The following PARP10 variants were observed in gnomAD, a reference collection of about 807,000 sequenced individuals.
The protein encoded by PARP10 is poly(ADP-ribose) polymerase family member 10.
A neutral mutation model predicts 82.4 loss-of-function variants in PARP10; 56 were observed. That is an observed-to-expected ratio of 0.68 (90% CI 0.55 to 0.85). The LOEUF (loss-of-function observed/expected upper bound fraction) is 0.85, where lower values mean the gene tolerates loss of function less well. Among genes scored for constraint, PARP10 ranks in the 40% least tolerant of loss-of-function variants. The pLI, the probability that PARP10 is intolerant of heterozygous loss-of-function variation, is 0.00. For synonymous variants in PARP10, 576 were observed against 601.1 expected (o/e 0.96, Z 0.61); for missense variants, 1,227 against 1,379.4 (o/e 0.89, Z 1.75).
In PARP10 at chr8:143,983,614, C is replaced by T; in HGVS notation, c.1975G>A (p.Ala659Thr). Residue 659 changes from alanine (A) to threonine (T), a missense_variant, in exon 8 of 11, where the codon GCC becomes ACC. Transcript: ENST00000313028. ...TGAGGCTCCAGTGACCGGTGGAGGG[C>T]CAGCTGCAGAGCGGCCTCCTCCTCC... Reference protein sequence around the residue: ...WLEEEAALQLALHRSLEPQGQ... With the variant: ...WLEEEAALQLTLHRSLEPQGQ... 3 of 1,604,208 alleles carry T rather than the reference C, an allele frequency of 1.9e-6. No individual in the cohort carries two copies. Among genetic ancestry groups the T allele is most frequent in the Non-Finnish European group, 2.6e-6 (3 of 1,175,366 alleles).
In PARP10 at chr8:144,002,985, G is replaced by C. The variant is rs1834212394; in HGVS notation, c.-80+9545C>G. Among the ~76,000 whole-genome samples the C allele has an allele frequency of 3.3e-5, 5 of 152,152 alleles. No individual in the cohort carries two copies. The South Asian group carries it at 1.0e-3, about 32-fold the overall frequency. On this transcript the variant is annotated intron_variant, in intron 1 of 3. Transcript: ENST00000530478. ...ATTCATAACACATGCAACAGACAAT[G>C]GATTTCCATCAAAAATGTAAAAAGA...
In PARP10 at chr8:143,977,944, G is replaced by T; in HGVS notation, c.2694C>A (p.Cys898Ter). Residue 898 changes from cysteine to a stop codon, truncating the protein, a stop_gained, in exon 10 of 11, where the codon TGC (cysteine) becomes TGA (stop). Coordinates refer to ENST00000313028, the MANE Select transcript of PARP10 (RefSeq NM_032789.5). LOFTEE classifies it low-confidence loss of function (END_TRUNC). ...AGAAGCTGCGGTTGAAGCCGTGGGC[G>T]CAGATGTCAGGCACTGCCGGTGCCG... is the stretch of plus-strand genomic sequence containing the variant. ...GTTAPAVPDI[C>*]AHGFNRSFCG... The T allele has an allele frequency of 6.2e-7, 1 of 1,600,902 alleles. No homozygotes were observed.
In PARP10 at chr8:143,983,295, C is replaced by T. The variant is rs782475093; in HGVS notation, c.2294G>A (p.Arg765His). 10 of 1,612,602 alleles carry T rather than the reference C, an allele frequency of 6.2e-6. No individual in the cohort carries two copies. Among genetic ancestry groups the T allele is most frequent in the Admixed American group, 1.7e-5 (1 of 59,892 alleles). ...ERCHGVSVAL[R>H]GDCTILRGFG... ...GCCACGGAGGATGGTGCAGTCACCACGCAGGGCAACACTCACACCATGGCA... is the reference window on the plus strand; with the variant it reads ...GCCACGGAGGATGGTGCAGTCACCATGCAGGGCAACACTCACACCATGGCA... Residue 765 changes from arginine to histidine, a missense_variant, in exon 8 of 11, where the codon CGT (arginine) becomes CAT (histidine). Physicochemically the swap from Arg to His is conservative, Grantham distance 29. Coordinates refer to ENST00000313028, the MANE Select transcript of PARP10 (RefSeq NM_032789.5).
rs1554748863 is a variant in PARP10 at position 143,984,965 on chromosome 8, G to A, written c.1037C>T (p.Ala346Val). ...CATGGGCATCGAGCTGACTTGCTCT[G>A]CCTGTCCCAGAGACCCCATGGGACC... ...RTGPMGSLGQ[A>V]EQVSSMPMGS... Residue 346 changes from alanine to valine, a missense_variant, in exon 5 of 11, where the codon GCA becomes GTA. Physicochemically the swap from Ala to Val is moderately conservative, Grantham distance 64. Coordinates refer to ENST00000313028, the MANE Select transcript of PARP10 (RefSeq NM_032789.5). 6 of 1,613,924 alleles carry A rather than the reference G, an allele frequency of 3.7e-6. No individual in the cohort carries two copies. The Admixed American group carries it at 1.0e-4, about 27-fold the overall frequency.
intron 1 of PARP10, among the ~76,000 whole-genome samples, chr8:143,996,760 G>A (rs538380890): frequency 1.3e-5 from 2 of 152,334 alleles, no homozygotes; most frequent in Non-Finnish European, 2.9e-5. Context: ...AAGCCCAGGG[G>A]ATGCAGGAGA....
rs1554752200 is a variant in PARP10, at chr8:144,008,230, G to A, written c.-80+4300C>T. 6.6e-6 allele frequency among the ~76,000 whole-genome samples: 1 copy of A among 152,194 alleles called. No homozygotes were observed. Among genetic ancestry groups the A allele is most frequent in the Non-Finnish European group, 1.5e-5 (1 of 68,034 alleles). On this transcript the variant is annotated intron_variant, in intron 1 of 3. Transcript: ENST00000530478. The surrounding 1 kb of genome is among the most constrained non-coding windows in gnomAD (Gnocchi z 4.0). ...TGCCTCTCAGCGCACCCAGCATGGA[G>A]GCAGCACGTTGGGGCCTGTCAGGTG... is the stretch of plus-strand genomic sequence containing the variant.
intron 9 of PARP10, 101 bp from the exon 10 acceptor site, chr8:143,978,182 A>G: frequency 7.4e-7 from 1 of 1,343,508 alleles, no homozygotes; most frequent in African/African-American, 1.5e-5. Context: ...CTGTTGGAGG[A>G]GTCCAGGGTT....
chr8:143,996,619 A>G (rs988190714), intron 1 of PARP10, among the ~76,000 whole-genome samples: 2 of 152,210 alleles, frequency 1.3e-5, no homozygotes, highest in African/African-American at 4.8e-5. Context: ...GTCAAACGTG[A>G]AAGGAAGGAA....
chr8:144,001,193 C>T (rs1221492602), intron 1 of PARP10, among the ~76,000 whole-genome samples: 2 of 151,402 alleles, frequency 1.3e-5, no homozygotes, highest in Admixed American at 6.6e-5. Flanking sequence ...GGATTACAGG[C>T]GTGAGCCACC....
chr8:143,980,337 A>C (rs1424002692), intron 9 of PARP10, among the ~76,000 whole-genome samples: 1 of 140,836 alleles, frequency 7.1e-6, no homozygotes, highest in Non-Finnish European at 1.5e-5. Context: ...AAAAAAAAAA[A>C]AAAAAAAAAA....
Position 143,984,533 on chromosome 8 carries a change from G to A in PARP10, c.1458+11C>T, listed in dbSNP as rs782450558. 6 of 1,603,776 alleles carry A rather than the reference G, an allele frequency of 3.7e-6. No individual in the cohort carries two copies. In the South Asian group the frequency reaches 5.6e-5, roughly 15 times the overall value. ...GGGGCTGAAGGTGAGGAGTCCTGAG[G>A]GGTCACTCACCCGAAAGCCAGTCAT... is the stretch of plus-strand genomic sequence containing the variant. On this transcript the variant is annotated intron_variant, in intron 5 of 10. Coordinates refer to ENST00000313028, the MANE Select transcript of PARP10 (RefSeq NM_032789.5).
chr8:143,985,562 C>T lies in PARP10; in HGVS notation c.523G>A (p.Val175Met), dbSNP rs1833968694. The change falls in exon 4 of 11, where the codon GTG becomes ATG. Residue 175 changes from valine (V) to methionine (M), a missense_variant. By Grantham distance (21) the Val-to-Met change is conservative (BLOSUM62 1). Coordinates refer to ENST00000313028, the MANE Select transcript of PARP10 (RefSeq NM_032789.5). ...SLARVPQARA[V>M]RVVGDGASVD... The stretch of plus-strand genomic sequence containing the variant: ...GAGGCACCATCCCCCACCACACGCA[C>T]CGCTCGGGCCTGGGGAACCCGGGCC... 6.2e-7 allele frequency: 1 copy of T among 1,613,932 alleles called. No individual in the cohort carries two copies. Among genetic ancestry groups the T allele is most frequent in the Admixed American group, 1.7e-5 (1 of 60,008 alleles).
Position 143,977,340 on chromosome 8 carries a change from C to A in PARP10, c.*144G>T, listed in dbSNP as rs1011082533. 1.2e-4 allele frequency: 107 copies of A among 877,610 alleles called. 1 individual carries two copies. In the South Asian group the frequency reaches 1.7e-3, roughly 14 times the overall value. 54.4% of individuals were successfully genotyped at this position (877,610 alleles called of 1,614,324 possible). A position where few individuals can be genotyped will look rare whatever the true frequency, so the allele number is the denominator to read the frequency against. ...CCCTCGGCCGCTGCTGACCGCCATC[C>A]CCCACACCGCCTTCTGGAGCCCGCA... On this transcript the variant is annotated 3_prime_UTR_variant, in exon 11 of 11. Transcript: ENST00000313028.
rs782549174 is a variant in PARP10 at position 143,985,543 on chromosome 8, C to G, written c.542G>C (p.Gly181Ala). 7 of 1,614,018 alleles carry G rather than the reference C, an allele frequency of 4.3e-6. No homozygotes were observed. Among genetic ancestry groups the G allele is most frequent in the Non-Finnish European group, 4.2e-6 (5 of 1,179,966 alleles). Residue 181 changes from glycine to alanine, a missense_variant, in exon 4 of 11, where the codon GGT becomes GCT. Transcript: ENST00000313028. ...QARAVRVVGD[G>A]ASVDLLLLEL... is the part of the protein sequence containing the mutation. ...CAGCAACAGCAGGTCCACAGAGGCA[C>G]CATCCCCCACCACACGCACCGCTCG... is the stretch of plus-strand genomic sequence containing the variant.
chr8:143,992,978 C>A, upstream of PARP10: 4 of 707,854 alleles, frequency 5.7e-6, no homozygotes, highest in Non-Finnish European at 9.4e-6. Context: ...TCTCTCCAAC[C>A]CTCCTGTATG....
upstream of PARP10, among the ~76,000 whole-genome samples, chr8:143,994,952 C>G: frequency 8.4e-6 from 1 of 118,946 alleles, no homozygotes; most frequent in East Asian, 2.0e-4. Flanking sequence ...AACGTCAGGG[C>G]GGGGGCAGGG....
At chr8:144,009,052 G>A (rs1554752247) in intron 1 of PARP10, among the ~76,000 whole-genome samples, 1 of 152,080 alleles carries the variant, frequency 6.6e-6, no homozygotes, top group South Asian at 2.1e-4. Flanking sequence ...GAGGCGTGGT[G>A]GGCCACAGTC....
chr8:143,994,953 G>A (rs1288945600), upstream of PARP10, among the ~76,000 whole-genome samples: 4 of 118,960 alleles, frequency 3.4e-5, no homozygotes, highest in African/African-American at 1.2e-4. Flanking sequence ...ACGTCAGGGC[G>A]GGGGCAGGGG....
upstream of PARP10, chr8:143,986,550 C>T: frequency 6.2e-6 from 5 of 807,810 alleles, no homozygotes; most frequent in Non-Finnish European, 9.9e-6. Context: ...TCTCCTGCTG[C>T]AGCCTCAACC....
Sources: allele counts gnomAD v4.1 joint callset (sites outside exome capture counted in the v4.1 genomes callset), GRCh38; gene constraint gnomAD v4.1.1; non-coding constraint Gnocchi (gnomAD v3.1); transcripts MANE v1.5; gene names NCBI Gene and HGNC (gene_info 2026-07-23, HGNC 2026-07-21).